The following LINGO1 variants were observed in gnomAD, a reference collection of about 807,000 sequenced individuals.
The protein encoded by LINGO1 is leucine rich repeat and Ig domain containing 1, also known as leucine-rich repeat and immunoglobulin-like domain-containing nogo receptor-interacting protein 1.
Under a neutral mutation model 37.3 loss-of-function variants are expected in LINGO1, and 11 were observed. The ratio of observed to expected loss-of-function variants is 0.29; its 90% CI spans 0.19 to 0.49. LINGO1 has a LOEUF of 0.49. LINGO1 is among the 20% of genes least tolerant of loss of function. LINGO1 has a pLI of 0.99. For synonymous variants in LINGO1, 387 were observed against 403.0 expected (o/e 0.96, Z 0.48); for missense variants, 585 against 878.2 (o/e 0.67, Z 4.22).
At chr15:77,695,686 C>T (rs1296147532) in intron 1 of LINGO1, among the ~76,000 whole-genome samples, 1 of 152,076 alleles carries the variant, frequency 6.6e-6, no homozygotes, top group African/African-American at 2.4e-5. Flanking sequence ...GCCATCTGCC[C>T]AGCCTCCCCC....
At chr15:77,755,519 T>A (rs918317209) in intron 1 of LINGO1, among the ~76,000 whole-genome samples, 4 of 152,332 alleles carry the variant, frequency 2.6e-5, no homozygotes, top group Admixed American at 2.0e-4. Flanking sequence ...CATTTCTTTA[T>A]CTGTAAAATG....
chr15:77,806,354 A>C (rs2076959501), intron 1 of LINGO1, among the ~76,000 whole-genome samples: 1 of 152,094 alleles, frequency 6.6e-6, no homozygotes, highest in Non-Finnish European at 1.5e-5. Flanking sequence ...TTCTCTGCAA[A>C]CAGGAAGAAG....
intron 1 of LINGO1, among the ~76,000 whole-genome samples, chr15:77,812,061 C>T (rs2077010261): frequency 6.6e-6 from 1 of 152,230 alleles, no homozygotes; most frequent in African/African-American, 2.4e-5. Context: ...TAAACATCCC[C>T]CTGCCATCTC....
chr15:77,801,025 G>A (rs949340310), intron 1 of LINGO1, among the ~76,000 whole-genome samples: 1 of 152,198 alleles, frequency 6.6e-6, no homozygotes, highest in African/African-American at 2.4e-5. Flanking sequence ...AAGCAGTGCT[G>A]GCAAGGATGT....
At chr15:77,684,639 C>T (rs2075472326) in intron 2 of LINGO1, among the ~76,000 whole-genome samples, 1 of 152,218 alleles carries the variant, frequency 6.6e-6, no homozygotes, top group Non-Finnish European at 1.5e-5. Context: ...AATTAGGCTC[C>T]CCGGGGCTGG....
At chr15:77,771,433 CT>C in intron 1 of LINGO1, among the ~76,000 whole-genome samples, 1 of 152,084 alleles carries the variant, frequency 6.6e-6, no homozygotes. Context: ...ACCCCACAGT[CT>C]AGTGTCCCCA....
chr15:77,737,228 G>A (rs1380258616), intron 1 of LINGO1, among the ~76,000 whole-genome samples: 1 of 152,184 alleles, frequency 6.6e-6, no homozygotes, highest in Non-Finnish European at 1.5e-5. Context: ...TTCCCCATGT[G>A]AGCCCTAAGT....
chr15:77,649,969 TG>T (rs895300924), intron 3 of LINGO1, among the ~76,000 whole-genome samples: 17 of 152,332 alleles, frequency 1.1e-4, no homozygotes, highest in African/African-American at 4.1e-4. Context: ...ACCCAGCCAC[TG>T]GGTAACAATG....
intron 1 of LINGO1, among the ~76,000 whole-genome samples, chr15:77,781,237 A>G (rs2141425919): frequency 6.6e-6 from 1 of 152,310 alleles, no homozygotes; most frequent in Middle Eastern, 3.4e-3. Flanking sequence ...CTGGCTCCTG[A>G]GCACTGGATT....
chr15:77,691,655 G>C (rs889216489), intron 1 of LINGO1, among the ~76,000 whole-genome samples: 1 of 152,098 alleles, frequency 6.6e-6, no homozygotes, highest in Admixed American at 6.5e-5. Context: ...CAGAGGGGAA[G>C]ACTCTTGGGC....
intron 2 of LINGO1, among the ~76,000 whole-genome samples, chr15:77,719,732 A>G (rs2076026251): frequency 6.7e-6 from 1 of 150,028 alleles, no homozygotes; most frequent in East Asian, 2.1e-4. Context: ...TCACGCACAT[A>G]TATACAATCT....
chr15:77,706,086 T>C (rs2075849214), intron 2 of LINGO1, among the ~76,000 whole-genome samples: 1 of 152,194 alleles, frequency 6.6e-6, no homozygotes, highest in African/African-American at 2.4e-5. Flanking sequence ...ATCCCATTGT[T>C]GTCACAACTA....
At chr15:77,715,624 A>C (rs935553684) in intron 2 of LINGO1, among the ~76,000 whole-genome samples, 8 of 152,226 alleles carry the variant, frequency 5.3e-5, no homozygotes, top group African/African-American at 1.9e-4. Flanking sequence ...TCCACAAAGA[A>C]ATAATGGGAA....
chr15:77,806,665 G>T, intron 1 of LINGO1, among the ~76,000 whole-genome samples: 1 of 152,098 alleles, frequency 6.6e-6, no homozygotes. Context: ...AGAGGCCTAT[G>T]AACTGGACGC....
chr15:77,740,361 C>T (rs900592957), intron 1 of LINGO1, among the ~76,000 whole-genome samples: 33 of 152,338 alleles, frequency 2.2e-4, no homozygotes, highest in Admixed American at 2.0e-3. Flanking sequence ...AAATTACTTA[C>T]CTGGCATTCA....
chr15:77,794,851 A>G (rs934055287), intron 2 of LINGO1, among the ~76,000 whole-genome samples: 1 of 151,900 alleles, frequency 6.6e-6, no homozygotes, highest in Non-Finnish European at 1.5e-5. Context: ...CGGCTTCCCA[A>G]AGCAGAAATA....
At chr15:77,626,478 A>G (rs2074093747) in intron 1 of LINGO1, among the ~76,000 whole-genome samples, 1 of 152,058 alleles carries the variant, frequency 6.6e-6, no homozygotes, top group South Asian at 2.1e-4. Flanking sequence ...CATTTTTCCA[A>G]CCTGGTAAAC....
At chr15:77,671,599 T>C (rs2075250343) in intron 3 of LINGO1, among the ~76,000 whole-genome samples, 2 of 152,148 alleles carry the variant, frequency 1.3e-5, no homozygotes, top group South Asian at 4.1e-4. Flanking sequence ...CGGTCCGGTC[T>C]CCTTCCTATT....
At chr15:77,778,646 T>C (rs1419721611) in intron 1 of LINGO1, among the ~76,000 whole-genome samples, 3 of 152,182 alleles carry the variant, frequency 2.0e-5, no homozygotes, top group Admixed American at 6.5e-5. Flanking sequence ...GCCTGTTTGT[T>C]GAACTTTCAA....
Sources: allele counts gnomAD v4.1 joint callset (sites outside exome capture counted in the v4.1 genomes callset), GRCh38; gene constraint gnomAD v4.1.1; transcripts MANE v1.5; gene names NCBI Gene and HGNC (gene_info 2026-07-23, HGNC 2026-07-21).